PAQR3: variants seen among roughly 807,000 people sequenced by gnomAD.
The protein encoded by PAQR3 is Raf kinase trapping to Golgi.
A neutral mutation model predicts 41.7 loss-of-function variants in PAQR3; 39 were observed. The ratio of observed to expected loss-of-function variants is 0.93; its 90% confidence interval spans 0.72 to 1.22. The LOEUF (loss-of-function observed/expected upper bound fraction) is 1.22. Ranked by LOEUF, PAQR3 falls within the 50% of genes most tolerant of loss-of-function variation. PAQR3 has a pLI of 0.00. For synonymous variants in PAQR3, 140 were observed against 140.6 expected (o/e 1.00, Z 0.03); for missense variants, 366 against 385.6 (o/e 0.95, Z 0.42).
chr4:78,890,605 T>C (rs1359668142), intron 11 of PAQR3, among the ~76,000 whole-genome samples: 1 of 152,242 alleles, frequency 6.6e-6, no homozygotes, highest in Non-Finnish European at 1.5e-5. Flanking sequence ...ATAATCACTA[T>C]GTTTTTTGTT....
intron 2 of PAQR3, among the ~76,000 whole-genome samples, chr4:78,934,730 A>G (rs575062996): frequency 1.3e-5 from 2 of 152,348 alleles, no homozygotes; most frequent in Non-Finnish European, 2.9e-5. Flanking sequence ...TAGTATGGAA[A>G]TAACAAATAC....
intron 11 of PAQR3, among the ~76,000 whole-genome samples, chr4:78,897,877 G>A (rs937261486): frequency 3.9e-5 from 6 of 152,178 alleles, no homozygotes; most frequent in East Asian, 1.9e-4. Flanking sequence ...CAAGGACTTC[G>A]AGATTGGTTA....
At chr4:78,900,310 G>A (rs1011260748) in intron 11 of PAQR3, among the ~76,000 whole-genome samples, 3 of 152,178 alleles carry the variant, frequency 2.0e-5, no homozygotes, top group Non-Finnish European at 4.4e-5. Context: ...TAGGCTATTA[G>A]CAGTTAAGTT....
chr4:78,896,274 C>T (rs1283391851), intron 11 of PAQR3, among the ~76,000 whole-genome samples: 1 of 151,990 alleles, frequency 6.6e-6, no homozygotes, highest in East Asian at 1.9e-4. Flanking sequence ...TATACAAATG[C>T]CTATACTATG....
chr4:78,894,273 T>C (rs1019254957), intron 11 of PAQR3, among the ~76,000 whole-genome samples: 3 of 152,232 alleles, frequency 2.0e-5, no homozygotes, highest in African/African-American at 7.2e-5. Context: ...AAGCCAGACA[T>C]GGACTTAACT....
chr4:78,935,356 A>G (rs981836250), intron 1 of PAQR3, 73 bp from the exon 2 acceptor site: 23 of 1,370,926 alleles, frequency 1.7e-5, no homozygotes, highest in Non-Finnish European at 2.3e-5. Flanking sequence ...GTTAGGGACA[A>G]TTTTGAGGAG....
At chr4:78,910,466 C>T (rs17003499), downstream of PAQR3, 43,598 of 697,828 alleles carry the variant, frequency 0.062, 2,164 homozygotes, top group East Asian at 0.24. Context: ...AGTCTAATGA[C>T]GAAGAATTGA....
chr4:78,915,427 T>G lies in PAQR3; in HGVS notation c.*5112A>C, dbSNP rs556671778. On this transcript the variant is annotated 3_prime_UTR_variant, in exon 6 of 6. Coordinates refer to ENST00000512733, the MANE Select transcript of PAQR3 (RefSeq NM_001040202.2). ...TAGTTTTGAGGCGCTTGGGTACATT[T>G]GTTTTTAATATATTTAGAATGTGCA... is the stretch of plus-strand genomic sequence containing the variant. 1.2e-4 allele frequency: 18 copies of G among 152,130 alleles called. No individual in the cohort carries two copies. The highest frequency in any genetic ancestry group is 4.3e-4 in the African/African-American group (18 of 41,552). The allele number at this position is 152,130 out of a possible 1,614,324, so 9.4% of individuals were successfully genotyped here. A position where few individuals can be genotyped will look rare whatever the true frequency, so the allele number is the denominator to read the frequency against.
At chr4:78,937,969 G>A (rs1446119667) in intron 1 of PAQR3, among the ~76,000 whole-genome samples, 6 of 152,180 alleles carry the variant, frequency 3.9e-5, no homozygotes, top group Admixed American at 3.3e-4. Flanking sequence ...CGGTAATTAC[G>A]CTTCAAGTTG....
chr4:78,907,717 A>G (rs1253572136), downstream of PAQR3, among the ~76,000 whole-genome samples: 2 of 152,198 alleles, frequency 1.3e-5, no homozygotes, highest in South Asian at 4.1e-4. Flanking sequence ...GGCAGAATGC[A>G]GAGTGCACCA....
At chr4:78,911,164 CAAGAA>C, downstream of PAQR3, 2 of 1,613,730 alleles carry the variant, frequency 1.2e-6, no homozygotes, top group Non-Finnish European at 1.7e-6. Flanking sequence ...ACAGCCCCAG[CAAGAA>C]AAGAATGAAA....
chr4:78,896,034 C>G (rs916888557), intron 11 of PAQR3, among the ~76,000 whole-genome samples: 1 of 152,210 alleles, frequency 6.6e-6, no homozygotes, highest in Non-Finnish European at 1.5e-5. Context: ...GCTGGGATTA[C>G]AGGCGTGAGC....
chr4:78,920,372 T>C lies in PAQR3; in HGVS notation c.*167A>G. 8.0e-7 allele frequency: 1 copy of C among 1,243,244 alleles called. No individual in the cohort carries two copies. The highest frequency in any genetic ancestry group is 1.0e-6 in the Non-Finnish European group (1 of 992,676). 77.0% of individuals were successfully genotyped at this position (1,243,244 alleles called of 1,614,324 possible). ...TAGTTTTAAGGATTTTGTAAAGCAG[T>C]TATTACTACAGATCCTTAAGTATAC... On this transcript the variant is annotated 3_prime_UTR_variant, in exon 6 of 6. Transcript: ENST00000512733.
At chr4:78,898,634 G>A (rs1477245361) in intron 11 of PAQR3, among the ~76,000 whole-genome samples, 1 of 149,904 alleles carries the variant, frequency 6.7e-6, no homozygotes. Context: ...CCTTCCATTG[G>A]GCGACAGAGC....
At chr4:78,887,209 G>A (rs1338960012) in exon 13 of PAQR3, 3 of 1,611,388 alleles carry the variant, frequency 1.9e-6, no homozygotes, top group East Asian at 4.5e-5. Flanking sequence ...AGATAAGAAT[G>A]TAGACTCACT....
chr4:78,907,183 A>G (rs143168686), downstream of PAQR3, among the ~76,000 whole-genome samples: 747 of 152,334 alleles, frequency 4.9e-3, 6 homozygotes, highest in African/African-American at 0.017. Flanking sequence ...ATACCTGAAA[A>G]GATGCATTAA....
At chr4:78,935,091 A>C in intron 2 of PAQR3, 30 bp downstream of exon 2, 1 of 1,605,470 alleles carries the variant, frequency 6.2e-7, no homozygotes, top group Non-Finnish European at 8.5e-7. Context: ...AGTTCTCTTT[A>C]CCAACAGCAG....
intron 3 of PAQR3, among the ~76,000 whole-genome samples, chr4:78,926,980 G>A (rs1273051481): frequency 6.6e-6 from 1 of 152,108 alleles, no homozygotes; most frequent in Non-Finnish European, 1.5e-5. Context: ...TTATCTGCCA[G>A]GCACAGTTCA....
rs1176978328 is a variant in PAQR3, at chr4:78,919,071, A to T, written c.*1468T>A. On this transcript the variant is annotated 3_prime_UTR_variant, in exon 6 of 6. Transcript: ENST00000512733. The stretch of plus-strand genomic sequence containing the variant: ...TACTATACTAGCATGGGGAATTTAT[A>T]TTCCAAAAACACTACACTGGAAAAG... The T allele has an allele frequency of 1.0e-6, 1 of 984,962 alleles. No homozygotes were observed. Among genetic ancestry groups the T allele is most frequent in the African/African-American group, 1.7e-5 (1 of 57,186 alleles). The allele number at this position is 984,962 out of a possible 1,614,324, so 61.0% of individuals were successfully genotyped here. A position where few individuals can be genotyped will look rare whatever the true frequency, so the allele number is the denominator to read the frequency against.
Sources: gnomAD v4.1 joint callset for allele counts (sites outside exome capture counted in the v4.1 genomes callset) on GRCh38, gnomAD v4.1.1 for gene constraint, MANE v1.5 for transcripts, NCBI Gene and HGNC (gene_info 2026-07-23, HGNC 2026-07-21) for gene names.